Variants in LGSN observed in about 807,000 individuals in gnomAD.
LGSN encodes the protein lengsin, lens protein with glutamine synthetase domain.
A neutral mutation model predicts 19.5 loss-of-function variants in LGSN; 21 were observed. The ratio of observed to expected loss-of-function variants is 1.07; its 90% CI spans 0.76 to 1.55. The LOEUF (loss-of-function observed/expected upper bound fraction) is 1.55. LGSN is among the 40% of genes most tolerant of loss of function. The pLI is 0.00. For missense variants in LGSN, 673 were observed against 608.5 expected, an observed-to-expected ratio of 1.11 and a Z score of -1.12; for synonymous variants, 257 against 215.6, an observed-to-expected ratio of 1.19 and a Z score of -1.68.
At chr6:63,505,753 G>A in the LGSN span, among the ~76,000 whole-genome samples, 2 of 152,028 alleles carry the variant, frequency 1.3e-5, no homozygotes, top group East Asian at 1.9e-4. Flanking sequence ...TCTTCCTTCC[G>A]AGTTCAAGCA....
At chr6:63,434,844 C>T in the LGSN span, among the ~76,000 whole-genome samples, 1 of 152,042 alleles carries the variant, frequency 6.6e-6, no homozygotes, top group Non-Finnish European at 1.5e-5. Flanking sequence ...AAACAGCGCA[C>T]AGTGAAGAAA....
At chr6:63,477,821 A>G in the LGSN span, among the ~76,000 whole-genome samples, 2 of 147,512 alleles carry the variant, frequency 1.4e-5, no homozygotes, top group South Asian at 4.3e-4. Flanking sequence ...GATTACAGGT[A>G]TGAGTCATCA....
the LGSN span, among the ~76,000 whole-genome samples, chr6:63,438,699 G>A: frequency 6.6e-5 from 10 of 152,162 alleles, no homozygotes; most frequent in Non-Finnish European, 1.0e-4. Context: ...AAAAAGTCAG[G>A]AAACAACAGG....
At chr6:63,433,505 T>C in the LGSN span, among the ~76,000 whole-genome samples, 2 of 152,244 alleles carry the variant, frequency 1.3e-5, no homozygotes, top group East Asian at 3.8e-4. Context: ...GCATGCTGCC[T>C]GTAACCAGTA....
intron 1 of LGSN, among the ~76,000 whole-genome samples, chr6:63,318,615 G>T (rs1768960809): frequency 6.6e-6 from 1 of 152,090 alleles, no homozygotes; most frequent in African/African-American, 2.4e-5. Flanking sequence ...TGTGAGAATT[G>T]TGCAGTTTAA....
chr6:63,505,629 G>GAA, the LGSN span, among the ~76,000 whole-genome samples: 1 of 87,850 alleles, frequency 1.1e-5, no homozygotes, highest in Non-Finnish European at 2.3e-5. Context: ...AAGAAAGAAA[G>GAA]AAAGAAATTC....
At chr6:63,509,521 A>G in the LGSN span, among the ~76,000 whole-genome samples, 4 of 152,202 alleles carry the variant, frequency 2.6e-5, no homozygotes, top group Non-Finnish European at 4.4e-5. Context: ...TAAAATAAAT[A>G]TATCAAATAT....
the LGSN span, among the ~76,000 whole-genome samples, chr6:63,397,369 T>C: frequency 1.3e-5 from 2 of 151,528 alleles, no homozygotes; most frequent in African/African-American, 4.9e-5. Context: ...CAAGTGTTCA[T>C]GGCTCAAAGC....
the LGSN span, among the ~76,000 whole-genome samples, chr6:63,541,378 C>A: frequency 2.9e-3 from 440 of 151,968 alleles, 3 homozygotes; most frequent in African/African-American, 1.0e-2. Flanking sequence ...CATAGTGAAA[C>A]CCCTCTCTAC....
chr6:63,362,414 A>C, the LGSN span, among the ~76,000 whole-genome samples: 9 of 152,342 alleles, frequency 5.9e-5, no homozygotes, highest in Admixed American at 5.2e-4. Flanking sequence ...TCACTCCAGA[A>C]GTGCAAGGGG....
the LGSN span, among the ~76,000 whole-genome samples, chr6:63,383,516 C>T: frequency 2.5e-3 from 373 of 151,866 alleles, no homozygotes; most frequent in Non-Finnish European, 3.4e-3. Context: ...TTGAACAGGG[C>T]GTTTTTTTAA....
intron 1 of LGSN, among the ~76,000 whole-genome samples, chr6:63,311,280 T>C (rs1010534840): frequency 1.3e-5 from 2 of 152,184 alleles, no homozygotes; most frequent in Non-Finnish European, 2.9e-5. Context: ...GTAGAAACTT[T>C]GCTGTACTTT....
the LGSN span, among the ~76,000 whole-genome samples, chr6:63,332,877 G>T: frequency 6.6e-6 from 1 of 152,022 alleles, no homozygotes. Flanking sequence ...GTGGGTTCTT[G>T]GTCTCACTGA....
chr6:63,571,307 T>G, the LGSN span: 1 of 152,180 alleles, frequency 6.6e-6, no homozygotes, highest in East Asian at 1.9e-4. Context: ...CCTAAAGCCC[T>G]CTCCAATCTC....
chr6:63,356,409 G>T, the LGSN span, among the ~76,000 whole-genome samples: 1 of 152,008 alleles, frequency 6.6e-6, no homozygotes, highest in Non-Finnish European at 1.5e-5. Flanking sequence ...GGGTGTGGTG[G>T]CTCGTGCCTG....
intron 1 of LGSN, among the ~76,000 whole-genome samples, chr6:63,311,628 T>G (rs761496725): frequency 1.3e-5 from 2 of 152,226 alleles, no homozygotes; most frequent in Non-Finnish European, 2.9e-5. Context: ...CTCTGATACA[T>G]GCTGTATTCA....
intron 1 of LGSN, among the ~76,000 whole-genome samples, chr6:63,318,415 C>G (rs549598799): frequency 3.8e-4 from 58 of 152,244 alleles, no homozygotes; most frequent in Middle Eastern, 6.8e-3. Flanking sequence ...CACATGTCAT[C>G]TCTCTCCCTC....
the LGSN span, among the ~76,000 whole-genome samples, chr6:63,345,143 G>A: frequency 3.3e-5 from 5 of 152,048 alleles, no homozygotes; most frequent in East Asian, 3.8e-4. Context: ...AAAATTATTA[G>A]CAATATTATT....
intron 2 of LGSN, among the ~76,000 whole-genome samples, chr6:63,294,160 C>T (rs1036619558): frequency 1.3e-5 from 2 of 151,872 alleles, no homozygotes; most frequent in Admixed American, 6.6e-5. Flanking sequence ...CATGGTGAAA[C>T]CCCATCTCTA....
Sources: allele counts gnomAD v4.1 joint callset (sites outside exome capture counted in the v4.1 genomes callset), GRCh38; gene constraint gnomAD v4.1.1; transcripts MANE v1.5; gene names NCBI Gene and HGNC (gene_info 2026-07-23, HGNC 2026-07-21).